The following CDK19 variants were observed in gnomAD, a reference collection of about 807,000 sequenced individuals.
CDK19 encodes cyclin dependent kinase 19, also known as cyclin-dependent kinase 19.
In CDK19, 20 loss-of-function variants were observed where a neutral mutation model predicts 68.3. The observed-to-expected ratio is 0.29, with a 90% CI of 0.21 to 0.43. The LOEUF (loss-of-function observed/expected upper bound fraction) is 0.43, where lower values mean the gene tolerates loss of function less well. Ranked by LOEUF, CDK19 falls within the 20% of genes least tolerant of loss-of-function variation. CDK19 has a pLI of 1.00. For missense variants in CDK19, 339 were observed against 623.5 expected (o/e 0.54, Z 4.86); for synonymous variants, 221 against 222.8 (o/e 0.99, Z 0.07).
At chr6:110,705,699 G>A (rs1215179263) in intron 2 of CDK19, among the ~76,000 whole-genome samples, 5 of 152,216 alleles carry the variant, frequency 3.3e-5, no homozygotes, top group Admixed American at 6.5e-5. Flanking sequence ...TCCCAGAAGC[G>A]GAAACAGATA....
At chr6:110,814,964 G>A in intron 1 of CDK19, 45 bp downstream of exon 1, 12 of 1,594,670 alleles carry the variant, frequency 7.5e-6, no homozygotes, top group Non-Finnish European at 1.0e-5. Context: ...GTCGCGGGCA[G>A]GGCGAGGACC....
At chr6:110,729,809 A>G (rs1005101702) in intron 2 of CDK19, among the ~76,000 whole-genome samples, 3 of 151,976 alleles carry the variant, frequency 2.0e-5, no homozygotes, top group African/African-American at 7.2e-5. Flanking sequence ...CACAAGCACA[A>G]ATGTAGCACA....
intron 2 of CDK19, among the ~76,000 whole-genome samples, chr6:110,736,128 A>G (rs1361071581): frequency 6.6e-6 from 1 of 152,064 alleles, no homozygotes; most frequent in Non-Finnish European, 1.5e-5. Context: ...GATCACCTGA[A>G]GTTGGGAGTT....
chr6:110,757,898 G>GGA (rs373864172), intron 1 of CDK19, among the ~76,000 whole-genome samples: 58 of 152,252 alleles, frequency 3.8e-4, no homozygotes, highest in African/African-American at 1.3e-3. Context: ...CAGTTAAAGA[G>GGA]TTAAAGAGAA....
chr6:110,696,332 T>C (rs977372084), intron 2 of CDK19, among the ~76,000 whole-genome samples: 2 of 152,070 alleles, frequency 1.3e-5, no homozygotes, highest in African/African-American at 4.8e-5. Flanking sequence ...AAAATCAGCA[T>C]AGAAGGAACA....
intron 2 of CDK19, among the ~76,000 whole-genome samples, chr6:110,696,338 G>A (rs1484114791): frequency 5.9e-5 from 9 of 152,076 alleles, no homozygotes; most frequent in Non-Finnish European, 7.4e-5. Context: ...AGCATAGAAG[G>A]AACATAGCTT....
At chr6:110,790,346 C>A (rs1781503742) in intron 1 of CDK19, among the ~76,000 whole-genome samples, 1 of 151,946 alleles carries the variant, frequency 6.6e-6, no homozygotes, top group African/African-American at 2.4e-5. Context: ...ACCAGCCTGG[C>A]CAACATGGAG....
At chr6:110,808,648 A>T (rs987678779) in intron 1 of CDK19, among the ~76,000 whole-genome samples, 1 of 152,230 alleles carries the variant, frequency 6.6e-6, no homozygotes, top group Non-Finnish European at 1.5e-5. Flanking sequence ...GCATTACAAA[A>T]ATGACAAACC....
chr6:110,681,214 C>T lies in CDK19; in HGVS notation c.205-10673G>A, dbSNP rs533504054. 4.6e-5 allele frequency among the ~76,000 whole-genome samples: 7 copies of T among 151,270 alleles called. No individual in the cohort carries two copies. In the South Asian group the frequency reaches 1.5e-3, roughly 32 times the overall value. On this transcript the variant is annotated intron_variant, in intron 2 of 12. Coordinates refer to ENST00000368911, the MANE Select transcript of CDK19 (RefSeq NM_015076.5). ...TACAAAAATCAGCCGAGCGTGGTAC[C>T]GCATGCCTGTAGTCCCAGCTACTCG...
chr6:110,634,710 T>C (rs1779652604), intron 5 of CDK19, among the ~76,000 whole-genome samples: 1 of 152,248 alleles, frequency 6.6e-6, no homozygotes, highest in African/African-American at 2.4e-5. Flanking sequence ...CCTATTATTC[T>C]ACAATATTAC....
intron 1 of CDK19, among the ~76,000 whole-genome samples, chr6:110,790,729 TTC>T (rs569775978): frequency 1.3e-5 from 2 of 152,288 alleles, no homozygotes; most frequent in East Asian, 1.9e-4. Flanking sequence ...CTTTAGAAAG[TTC>T]TCTCTTTCAG....
chr6:110,704,035 C>T (rs780206935), intron 2 of CDK19, among the ~76,000 whole-genome samples: 1 of 152,060 alleles, frequency 6.6e-6, no homozygotes, highest in Non-Finnish European at 1.5e-5. Flanking sequence ...TGACAGAAGA[C>T]CACATAGTTC....
chr6:110,646,214 G>A (rs758750905), intron 4 of CDK19: 69 of 1,423,344 alleles, frequency 4.8e-5, no homozygotes, highest in Middle Eastern at 2.1e-4. Flanking sequence ...ACTCGTCGGG[G>A]TCCGACGCGC....
At chr6:110,762,220 T>G (rs186949582) in intron 1 of CDK19, among the ~76,000 whole-genome samples, 1 of 152,234 alleles carries the variant, frequency 6.6e-6, no homozygotes, top group Non-Finnish European at 1.5e-5. Flanking sequence ...GAAATTTGTA[T>G]ACTGTCAATC....
At chr6:110,772,751 G>C (rs1053693612) in intron 1 of CDK19, among the ~76,000 whole-genome samples, 16 of 151,802 alleles carry the variant, frequency 1.1e-4, no homozygotes, top group Admixed American at 9.2e-4. Context: ...AAAGTAGTCA[G>C]GTGTGGTGGC....
intron 1 of CDK19, among the ~76,000 whole-genome samples, chr6:110,798,957 G>T (rs1231054791): frequency 6.6e-6 from 1 of 151,440 alleles, no homozygotes; most frequent in South Asian, 2.1e-4. Flanking sequence ...AGCCTGGGCA[G>T]CATGGCAAAA....
chr6:110,615,682 A>T (rs1172710834), intron 12 of CDK19, among the ~76,000 whole-genome samples: 1 of 152,206 alleles, frequency 6.6e-6, no homozygotes, highest in Non-Finnish European at 1.5e-5. Context: ...TTTAAACGAC[A>T]ATAGTCCATC....
At chr6:110,711,277 G>T (rs73526588) in intron 2 of CDK19, among the ~76,000 whole-genome samples, 1 of 152,082 alleles carries the variant, frequency 6.6e-6, no homozygotes, top group Admixed American at 6.5e-5. Flanking sequence ...GGTTAACAAA[G>T]AAATAAATTG....
chr6:110,624,986 T>C (rs1310969758), intron 8 of CDK19, among the ~76,000 whole-genome samples: 2 of 152,168 alleles, frequency 1.3e-5, no homozygotes, highest in Non-Finnish European at 2.9e-5. Flanking sequence ...TATGAAAAAA[T>C]GTAGGTAAAG....
Sources: allele counts gnomAD v4.1 joint callset (sites outside exome capture counted in the v4.1 genomes callset), GRCh38; gene constraint gnomAD v4.1.1; transcripts MANE v1.5; gene names NCBI Gene and HGNC (gene_info 2026-07-23, HGNC 2026-07-21).